USP48: variants seen among roughly 807,000 people sequenced by gnomAD.
The protein encoded by USP48 is ubiquitin carboxyl-terminal hydrolase 48.
A neutral mutation model predicts 150.7 loss-of-function variants in USP48; 43 were observed. The ratio of observed to expected loss-of-function variants is 0.29; its 90% CI spans 0.22 to 0.37. USP48 has a LOEUF of 0.37. Among genes scored for constraint, USP48 ranks in the 10% least tolerant of loss-of-function variants. The pLI, the probability that USP48 is intolerant of heterozygous loss-of-function variation, is 1.00. For missense variants in USP48, 813 were observed against 1,249.6 expected (o/e 0.65, Z 5.27); for synonymous variants, 396 against 425.9 (o/e 0.93, Z 0.86).
At chr1:21,755,548 T>A (rs2097830547) in intron 3 of USP48, among the ~76,000 whole-genome samples, 1 of 152,058 alleles carries the variant, frequency 6.6e-6, no homozygotes, top group African/African-American at 2.4e-5. Context: ...TGAGATCTTG[T>A]CTCAAAAAAC....
intron 20 of USP48, among the ~76,000 whole-genome samples, chr1:21,703,866 C>T (rs1309305242): frequency 6.6e-6 from 1 of 152,120 alleles, no homozygotes; most frequent in Non-Finnish European, 1.5e-5. Flanking sequence ...CAGCGAGTAG[C>T]TCAAGACTAC....
intron 23 of USP48, among the ~76,000 whole-genome samples, chr1:21,691,584 G>C (rs915913210): frequency 6.6e-6 from 1 of 152,170 alleles, no homozygotes; most frequent in Non-Finnish European, 1.5e-5. Flanking sequence ...GCAGTAAGCC[G>C]AGATTGCGCC....
chr1:21,754,470 G>A (rs2097826279), intron 3 of USP48, among the ~76,000 whole-genome samples: 2 of 152,162 alleles, frequency 1.3e-5, no homozygotes, highest in Admixed American at 1.3e-4. Context: ...GAAGACAGAA[G>A]TCTTATCTTC....
intron 25 of USP48, among the ~76,000 whole-genome samples, chr1:21,684,503 TC>T (rs1417157512): frequency 2.0e-5 from 3 of 152,348 alleles, no homozygotes; most frequent in African/African-American, 7.2e-5. Context: ...GGTTGTCTCT[TC>T]AACTCTGCAG....
intron 24 of USP48, among the ~76,000 whole-genome samples, chr1:21,688,780 T>G (rs1325902998): frequency 1.4e-5 from 2 of 146,592 alleles, no homozygotes; most frequent in East Asian, 4.1e-4. Context: ...GAGGTGGAGG[T>G]TGCAGTGAGC....
chr1:21,729,812 T>C lies in USP48; in HGVS notation c.1192A>G (p.Thr398Ala), dbSNP rs1384260632. Residue 398 changes from threonine to alanine, a missense_variant, in exon 10 of 27, where the codon ACA becomes GCA. Thr to Ala is a moderately conservative substitution (Grantham distance 58, BLOSUM62 0). Coordinates refer to ENST00000308271, the MANE Select transcript of USP48 (RefSeq NM_032236.8). ...EDLAEPSKSQ[T>A]RKPKCGKGTH... Reference sequence around the variant, plus strand: ...CCTTTGCCACACTTGGGTTTACGTGTCTGAGACTTAGAAGGTTCTGCTGAG... The same window carrying C: ...CCTTTGCCACACTTGGGTTTACGTGCCTGAGACTTAGAAGGTTCTGCTGAG... 2 of 1,613,984 alleles carry C rather than the reference T, an allele frequency of 1.2e-6. No individual in the cohort carries two copies. Among genetic ancestry groups the C allele is most frequent in the African/African-American group, 1.3e-5 (1 of 74,924 alleles).
intron 8 of USP48, among the ~76,000 whole-genome samples, chr1:21,739,518 CAAAAAAAA>C (rs61410306): frequency 2.0e-4 from 13 of 66,292 alleles, no homozygotes; most frequent in Admixed American, 7.9e-4. Flanking sequence ...GACTCCGTCT[CAAAAAAAA>C]AAAAAAAAAA....
chr1:21,709,257 C>T (rs973281965), intron 15 of USP48, among the ~76,000 whole-genome samples: 1 of 151,894 alleles, frequency 6.6e-6, no homozygotes, highest in African/African-American at 2.4e-5. Context: ...TTGAATAATC[C>T]CCAAAAGATT....
At chr1:21,756,506 TG>T in intron 3 of USP48, 39 bp downstream of exon 3, 2 of 1,512,968 alleles carry the variant, frequency 1.3e-6, no homozygotes, top group African/African-American at 1.5e-5. Context: ...TTTAAAAAAA[TG>T]TTCAGGAAGA....
intron 8 of USP48, among the ~76,000 whole-genome samples, chr1:21,746,145 C>G (rs2097793972): frequency 1.3e-5 from 2 of 152,280 alleles, no homozygotes; most frequent in South Asian, 4.1e-4. Context: ...CCATTGTAAG[C>G]TGCCTCTAGA....
intron 26 of USP48, among the ~76,000 whole-genome samples, chr1:21,680,016 G>A (rs535372376): frequency 3.3e-5 from 5 of 152,202 alleles, no homozygotes; most frequent in East Asian, 3.9e-4. Flanking sequence ...TCATAAAGAC[G>A]TTTTTTGCTT....
chr1:21,721,821 G>T, intron 12 of USP48, 57 bp from the exon 13 acceptor site: 2 of 1,312,772 alleles, frequency 1.5e-6, no homozygotes, highest in Non-Finnish European at 2.1e-6. Context: ...CTTCCTGTTA[G>T]GAAAATGTTT....
intron 1 of USP48, among the ~76,000 whole-genome samples, chr1:21,779,763 T>C (rs1409735906): frequency 1.3e-5 from 2 of 152,016 alleles, no homozygotes; most frequent in Non-Finnish European, 2.9e-5. Context: ...TACAGAGATA[T>C]GATGGCATAT....
In USP48 at chr1:21,739,518, CAAAAAAAAAAA is replaced by C. The variant is rs61410306; in HGVS notation, c.992-2904_992-2894del. Reference sequence around the variant, plus strand: ...TGGAAAACAAGGCAAGACTCCGTCTCAAAAAAAAAAAAAAAAAAAAAAAAAAAGACAAATAA... The same window carrying C: ...TGGAAAACAAGGCAAGACTCCGTCTCAAAAAAAAAAAAAAAAGACAAATAA... On this transcript the variant is annotated intron_variant, in intron 8 of 26. Transcript: ENST00000308271. Among the ~76,000 whole-genome samples, 8 of 66,322 alleles carry C rather than the reference CAAAAAAAAAAA, an allele frequency of 1.2e-4. No individual in the cohort carries two copies. In the South Asian group the frequency reaches 3.9e-3, roughly 33 times the overall value. The allele number at this position is 66,322 out of a possible 152,430, so 43.5% of individuals were successfully genotyped here.
chr1:21,684,899 C>T (rs2097576597), intron 25 of USP48, among the ~76,000 whole-genome samples: 1 of 152,020 alleles, frequency 6.6e-6, no homozygotes, highest in Non-Finnish European at 1.5e-5. Context: ...TTCCATTGTC[C>T]TATGTTTTAT....
intron 23 of USP48, among the ~76,000 whole-genome samples, chr1:21,693,688 G>A (rs1237104153): frequency 6.6e-6 from 1 of 152,222 alleles, no homozygotes; most frequent in Non-Finnish European, 1.5e-5. Flanking sequence ...TAATTTAAAG[G>A]TTTTGAATGT....
At chr1:21,718,800 C>T (rs2097711817) in intron 14 of USP48, among the ~76,000 whole-genome samples, 1 of 151,586 alleles carries the variant, frequency 6.6e-6, no homozygotes, top group Middle Eastern at 3.4e-3. Context: ...TTGTGATCTG[C>T]CCACCTCGGC....
At position 21,695,110 on chromosome 1, in the gene USP48, G is replaced by A. The variant is rs1265021892; in HGVS notation, c.2839C>T (p.Leu947Phe). ...RHRKVRGEKA[L>F]LVSANQTLKE... is the part of the protein sequence containing the mutation. Reference sequence around the variant, plus strand: ...AACGTCTGATTAGCAGAAACGAGAAGTGCTTTCTCACCACGAACTTTTCTA... The same window carrying A: ...AACGTCTGATTAGCAGAAACGAGAAATGCTTTCTCACCACGAACTTTTCTA... The change falls in exon 23 of 27, where the codon CTT becomes TTT. Residue 947 changes from leucine to phenylalanine, a missense_variant. By Grantham distance (22) the Leu-to-Phe change is conservative. Coordinates refer to ENST00000308271, the MANE Select transcript of USP48 (RefSeq NM_032236.8). The A allele has an allele frequency of 6.2e-7, 1 of 1,613,456 alleles. No individual in the cohort carries two copies. Among genetic ancestry groups the A allele is most frequent in the Non-Finnish European group, 8.5e-7 (1 of 1,179,872 alleles).
At chr1:21,704,161 G>T in intron 20 of USP48, 101 bp downstream of exon 20, 1 of 1,381,924 alleles carries the variant, frequency 7.2e-7, no homozygotes, top group Non-Finnish European at 9.8e-7. Flanking sequence ...AGTTGGGACC[G>T]CCGCATGATC....
Sources: allele counts gnomAD v4.1 joint callset (sites outside exome capture counted in the v4.1 genomes callset), GRCh38; gene constraint gnomAD v4.1.1; transcripts MANE v1.5; gene names NCBI Gene and HGNC (gene_info 2026-07-23, HGNC 2026-07-21).